CAPZB: variants seen among roughly 807,000 people sequenced by gnomAD.
The protein encoded by CAPZB is capping actin protein of muscle Z-line subunit beta.
In CAPZB, 2 loss-of-function variants were observed where a neutral mutation model predicts 38.1. The observed-to-expected ratio is 0.05, with a 90% CI of 0.02 to 0.17. CAPZB has a LOEUF of 0.17. Ranked by LOEUF, CAPZB falls within the 10% of genes least tolerant of loss-of-function variation. The pLI, the probability that CAPZB is intolerant of heterozygous loss-of-function variation, is 1.00. For synonymous variants in CAPZB, 107 were observed against 127.4 expected, an observed-to-expected ratio of 0.84 and a Z score of 1.08; for missense variants, 161 against 334.2, an observed-to-expected ratio of 0.48 and a Z score of 4.04.
chr1:19,400,501 C>T (rs1305606953), intron 2 of CAPZB, among the ~76,000 whole-genome samples: 1 of 152,234 alleles, frequency 6.6e-6, no homozygotes, highest in Admixed American at 6.5e-5. Flanking sequence ...AGGGCCAGTG[C>T]CTGCCAACCG....
At chr1:19,456,667 A>G (rs529746686) in intron 1 of CAPZB, among the ~76,000 whole-genome samples, 147 of 152,250 alleles carry the variant, frequency 9.7e-4, no homozygotes, top group African/African-American at 3.3e-3. Flanking sequence ...CCATCCCACA[A>G]CGTGACATCC....
At chr1:19,444,100 G>A (rs1216497556) in intron 1 of CAPZB, among the ~76,000 whole-genome samples, 1 of 152,176 alleles carries the variant, frequency 6.6e-6, no homozygotes, top group African/African-American at 2.4e-5. Context: ...AGAGGTTGCA[G>A]GGAGCAGAGA....
intron 1 of CAPZB, among the ~76,000 whole-genome samples, chr1:19,437,573 T>TA (rs1162769474): frequency 6.6e-6 from 1 of 152,162 alleles, no homozygotes; most frequent in South Asian, 2.1e-4. Context: ...TCCACAGTCT[T>TA]AAAGACTTGA....
intron 3 of CAPZB, among the ~76,000 whole-genome samples, chr1:19,381,171 G>C (rs2094172364): frequency 6.6e-6 from 1 of 151,100 alleles, no homozygotes; most frequent in African/African-American, 2.4e-5. Flanking sequence ...TCCATCTCGG[G>C]GAAACAAACA....
chr1:19,346,817 CTTTTTTTTTTTTT>C (rs34733600), intron 6 of CAPZB, among the ~76,000 whole-genome samples: 3 of 84,100 alleles, frequency 3.6e-5, no homozygotes, highest in Admixed American at 1.4e-4. Flanking sequence ...CGACTTTTGT[CTTTTTTTTTTTTT>C]TTTTTTTTTT....
intron 2 of CAPZB, among the ~76,000 whole-genome samples, chr1:19,411,082 A>G (rs2094355214): frequency 6.6e-6 from 1 of 152,144 alleles, no homozygotes; most frequent in African/African-American, 2.4e-5. Flanking sequence ...AGTGGCTCAC[A>G]CCTATAATCC....
chr1:19,388,376 TGGGAGGAAGGAAAGAAAGGAGGGAAAGA>T (rs943753190), intron 2 of CAPZB, among the ~76,000 whole-genome samples: 9 of 152,156 alleles, frequency 5.9e-5, no homozygotes, highest in African/African-American at 2.2e-4. Flanking sequence ...TTAATATATT[TGGGAGGAAGGAAAGAAAGGAGGGAAAGA>T]GGGAGGAAAG....
intron 4 of CAPZB, among the ~76,000 whole-genome samples, chr1:19,378,303 C>T (rs533161935): frequency 4.0e-4 from 61 of 152,174 alleles, no homozygotes; most frequent in Admixed American, 4.0e-3. Flanking sequence ...CATTCTATGA[C>T]CGAGTCATCT....
chr1:19,485,497 G>C lies in CAPZB; in HGVS notation c.-59C>G. The C allele has an allele frequency of 1.6e-6, 2 of 1,224,064 alleles. No individual in the cohort carries two copies. Among genetic ancestry groups the C allele is most frequent in the Non-Finnish European group, 2.0e-6 (2 of 982,102 alleles). The allele number at this position is 1,224,064 out of a possible 1,614,324, so 75.8% of individuals were successfully genotyped here. ...GTCAGTGGCTCTCCCCCCCGCAGCA[G>C]GGCCCGGCGCTTCCACTTCCCCGGG... On this transcript the variant is annotated 5_prime_UTR_variant, in exon 1 of 9. Coordinates refer to ENST00000264202, the MANE Select transcript of CAPZB (RefSeq NM_004930.5).
intron 2 of CAPZB, among the ~76,000 whole-genome samples, chr1:19,387,160 T>C (rs1484574648): frequency 2.6e-5 from 4 of 152,154 alleles, no homozygotes; most frequent in African/African-American, 9.7e-5. Flanking sequence ...AGATTAGAGT[T>C]GAGGCCGGGA....
intron 2 of CAPZB, among the ~76,000 whole-genome samples, chr1:19,394,733 AAAAC>A (rs904970997): frequency 1.4e-4 from 22 of 152,262 alleles, no homozygotes; most frequent in African/African-American, 4.6e-4. Context: ...AAAACAAAAC[AAAAC>A]AAACAAACAA....
intron 1 of CAPZB, among the ~76,000 whole-genome samples, chr1:19,482,731 T>C (rs1274298215): frequency 6.6e-6 from 1 of 152,220 alleles, no homozygotes; most frequent in Non-Finnish European, 1.5e-5. Context: ...CCTCAATGGA[T>C]AACAGAGATC....
At chr1:19,385,734 C>T (rs776416481) in intron 2 of CAPZB, 108 bp from the exon 3 acceptor site, 34 of 1,362,116 alleles carry the variant, frequency 2.5e-5, no homozygotes, top group Non-Finnish European at 3.6e-5. Context: ...TAACATCTGG[C>T]CCTGGGCACT....
chr1:19,407,979 G>T (rs1344894460), intron 2 of CAPZB, among the ~76,000 whole-genome samples: 2 of 152,180 alleles, frequency 1.3e-5, no homozygotes, highest in Admixed American at 1.3e-4. Flanking sequence ...GCCTTTGGGT[G>T]GGGGGCCGTG....
chr1:19,344,393 G>A lies in CAPZB; in HGVS notation c.696C>T (p.Tyr232=), dbSNP rs2093949626. The A allele has an allele frequency of 6.2e-7, 1 of 1,614,132 alleles. No individual in the cohort carries two copies. The highest frequency in any genetic ancestry group is 8.5e-7 in the Non-Finnish European group (1 of 1,179,948). The change falls in exon 8 of 9, where the codon TAC becomes TAT. Residue 232 remains tyrosine (Y), a synonymous_variant. Coordinates refer to ENST00000264202, the MANE Select transcript of CAPZB (RefSeq NM_004930.5). ...NKIRSTLNEI[Y]FGKTKDIVNG... ...TGACGATATCCTTTGTTTTTCCAAA[G>A]TAGATCTCGTTCAGCGTACTTCTGA...
At chr1:19,435,699 G>A (rs2094456056) in intron 1 of CAPZB, among the ~76,000 whole-genome samples, 1 of 152,164 alleles carries the variant, frequency 6.6e-6, no homozygotes, top group Non-Finnish European at 1.5e-5. Flanking sequence ...ACTGAGGTAC[G>A]GAGAGAGTGG....
chr1:19,360,274 T>C (rs1477215492), intron 4 of CAPZB, among the ~76,000 whole-genome samples: 1 of 152,192 alleles, frequency 6.6e-6, no homozygotes, highest in Non-Finnish European at 1.5e-5. Context: ...AGCACACCGT[T>C]TTCCCTTTCA....
chr1:19,388,025 G>A (rs933933011), intron 2 of CAPZB, among the ~76,000 whole-genome samples: 2 of 152,180 alleles, frequency 1.3e-5, no homozygotes, highest in Admixed American at 6.5e-5. Context: ...GTACCTGTGA[G>A]GATCCGGTGC....
chr1:19,419,994 G>C (rs115101699), intron 1 of CAPZB: 151 of 478,634 alleles, frequency 3.2e-4, no homozygotes, highest in African/African-American at 2.8e-3. Flanking sequence ...AGAAGTGGAA[G>C]CAGGCTGGAG....
Sources: allele counts gnomAD v4.1 joint callset (sites outside exome capture counted in the v4.1 genomes callset), GRCh38; gene constraint gnomAD v4.1.1; transcripts MANE v1.5; gene names NCBI Gene and HGNC (gene_info 2026-07-23, HGNC 2026-07-21).